Variants in ZFHX3 observed in about 807,000 individuals in gnomAD.
The protein encoded by ZFHX3 is zinc finger homeobox 3, also known as zinc finger homeobox protein 3.
A neutral mutation model predicts 279.1 loss-of-function variants in ZFHX3; 42 were observed. The observed-to-expected ratio is 0.15, with a 90% CI of 0.12 to 0.19. The LOEUF (loss-of-function observed/expected upper bound fraction) is 0.19. Among genes scored for constraint, ZFHX3 ranks in the 10% least tolerant of loss-of-function variants. The pLI is 1.00. For synonymous variants in ZFHX3, 2,293 were observed against 1,957.8 expected, an observed-to-expected ratio of 1.17 and a Z score of -4.52; for missense variants, 4,981 against 4,754.0, an observed-to-expected ratio of 1.05 and a Z score of -1.40.
At chr16:72,990,585 G>C (rs1041947668) in intron 1 of ZFHX3, among the ~76,000 whole-genome samples, 1 of 152,196 alleles carries the variant, frequency 6.6e-6, no homozygotes, top group Non-Finnish European at 1.5e-5. Flanking sequence ...TGGAGGAGCT[G>C]AGCACCCTCT....
chr16:73,224,506 G>C (rs2012529595), intron 5 of ZFHX3, among the ~76,000 whole-genome samples: 1 of 152,204 alleles, frequency 6.6e-6, no homozygotes, highest in Non-Finnish European at 1.5e-5. Flanking sequence ...ATCTGACCAA[G>C]ACAAGTCAAG....
chr16:73,324,716 G>A (rs145338635), intron 3 of ZFHX3, among the ~76,000 whole-genome samples: 3 of 152,300 alleles, frequency 2.0e-5, no homozygotes, highest in South Asian at 2.1e-4. Flanking sequence ...AAATTAGTGA[G>A]GCTTCACCTG....
rs1416251555 is a variant in ZFHX3 at position 73,119,764 on chromosome 16, C to T, written c.-897+11204G>A. 2.0e-5 allele frequency among the ~76,000 whole-genome samples: 3 copies of T among 152,154 alleles called. No homozygotes were observed. In the South Asian group the frequency reaches 6.2e-4, roughly 32 times the overall value. ...CAGTAGTGTGATCATATTTCTGCAG[C>T]CTTGAATTCCTGAGTTCAAGTGGCT... On this transcript the variant is annotated intron_variant, in intron 7 of 17. Transcript: ENST00000641206.
chr16:73,286,686 TGTGTGA>T (rs767900169), intron 4 of ZFHX3, among the ~76,000 whole-genome samples: 48 of 150,280 alleles, frequency 3.2e-4, no homozygotes, highest in Admixed American at 5.3e-4. Context: ...TGTGGGTTGG[TGTGTGA>T]GTGTGAGTGT....
intron 2 of ZFHX3, among the ~76,000 whole-genome samples, chr16:73,460,377 C>T (rs1346623643): frequency 7.9e-5 from 12 of 152,148 alleles, no homozygotes; most frequent in Admixed American, 7.9e-4. Flanking sequence ...TACTGGAGGA[C>T]AACTGGATTG....
intron 6 of ZFHX3, among the ~76,000 whole-genome samples, chr16:73,140,605 C>A (rs1032631330): frequency 1.3e-5 from 2 of 152,206 alleles, no homozygotes; most frequent in African/African-American, 4.8e-5. Context: ...CTTGTAATCC[C>A]AGCACTTTGG....
intron 2 of ZFHX3, chr16:73,486,863 C>G (rs2018983097): frequency 4.4e-6 from 2 of 456,042 alleles, no homozygotes; most frequent in Non-Finnish European, 8.8e-6. Flanking sequence ...GAACCTGGAG[C>G]AAGACCACTT....
chr16:73,528,836 G>A (rs114032092), intron 2 of ZFHX3, among the ~76,000 whole-genome samples: 2,785 of 152,276 alleles, frequency 0.018, 90 homozygotes, highest in African/African-American at 0.064. Flanking sequence ...ATCACACACA[G>A]GACTGCAGCT....
At position 73,093,715 on chromosome 16, in the gene ZFHX3, G is replaced by T. The variant is rs192666828; in HGVS notation, c.-896-117C>A. 431 of 218,170 alleles carry T rather than the reference G, an allele frequency of 2.0e-3. 2 individuals are homozygous for T. The highest frequency in any genetic ancestry group is 9.5e-3 in the African/African-American group (419 of 44,262). 13.5% of individuals were successfully genotyped at this position (218,170 alleles called of 1,614,324 possible). ...ATTATCTCACCATAATGCCCTCCTGGCGGCGTTCCCAGGAAAATTCTAACT... is the reference window on the plus strand; with the variant it reads ...ATTATCTCACCATAATGCCCTCCTGTCGGCGTTCCCAGGAAAATTCTAACT... On this transcript the variant is annotated intron_variant, in intron 7 of 17. Transcript: ENST00000641206.
At chr16:72,898,262 A>G (rs767809208) in intron 3 of ZFHX3, among the ~76,000 whole-genome samples, 7 of 152,190 alleles carry the variant, frequency 4.6e-5, no homozygotes, top group Non-Finnish European at 8.8e-5. Context: ...ACCATGATTT[A>G]TAAGAAAAAA....
chr16:73,801,903 C>T (rs1048159318), intron 1 of ZFHX3, among the ~76,000 whole-genome samples: 2 of 152,206 alleles, frequency 1.3e-5, no homozygotes, highest in African/African-American at 4.8e-5. Flanking sequence ...CCTTGCAGCT[C>T]TCACATTCTG....
At chr16:73,032,722 G>A (rs900788059) in intron 1 of ZFHX3, among the ~76,000 whole-genome samples, 5 of 151,324 alleles carry the variant, frequency 3.3e-5, no homozygotes, top group African/African-American at 4.9e-5. Context: ...GAGTCCACAC[G>A]CTTGCAAAGG....
At chr16:73,866,409 C>T (rs1434279601) in intron 1 of ZFHX3, among the ~76,000 whole-genome samples, 6 of 151,618 alleles carry the variant, frequency 4.0e-5, no homozygotes, top group Non-Finnish European at 7.4e-5. Context: ...GAACTCTGCC[C>T]GCCTCAGCCT....
Position 72,796,446 on chromosome 16 carries a change from G to A in ZFHX3, c.6236C>T (p.Ala2079Val), listed in dbSNP as rs1386395260. ...CTGGGTGAGCGGCACTGATGGCTGG[G>A]CCGGTGCAATTGTAGGTGAGGTGAT... ...PPITSPTIAP[A>V]QPSVPLTQLS... Residue 2079 changes from alanine (A) to valine (V), a missense_variant, in exon 9 of 10, where the codon GCC becomes GTC. Coordinates refer to ENST00000268489, the MANE Select transcript of ZFHX3 (RefSeq NM_006885.4). The A allele has an allele frequency of 1.2e-6, 2 of 1,609,870 alleles. No individual in the cohort carries two copies. Among genetic ancestry groups the A allele is most frequent in the Admixed American group, 3.3e-5 (2 of 59,982 alleles).
chr16:73,143,681 C>T lies in ZFHX3; in HGVS notation c.-1024+71G>A, dbSNP rs137883980. On this transcript the variant is annotated intron_variant, in intron 6 of 17. Transcript: ENST00000641206. ...TGGTGTCCTTGTCTGGCTGGTTAGTCTTTTTTGACTGCGTTAACTCACCTG... is the reference window on the plus strand; with the variant it reads ...TGGTGTCCTTGTCTGGCTGGTTAGTTTTTTTTGACTGCGTTAACTCACCTG... 5.2e-6 allele frequency: 6 copies of T among 1,160,660 alleles called. No homozygotes were observed. In the African/African-American group the frequency reaches 9.5e-5, roughly 18 times the overall value. The allele number at this position is 1,160,660 out of a possible 1,614,324, so 71.9% of individuals were successfully genotyped here.
intron 7 of ZFHX3, chr16:73,099,240 T>A (rs879517266): frequency 5.9e-5 from 9 of 152,224 alleles, no homozygotes; most frequent in Non-Finnish European, 1.0e-4. Flanking sequence ...TGTATCCTCT[T>A]ATCTATGTGT....
intron 3 of ZFHX3, among the ~76,000 whole-genome samples, chr16:73,372,050 T>C (rs1002940701): frequency 1.3e-4 from 20 of 152,232 alleles, no homozygotes; most frequent in Non-Finnish European, 2.4e-4. Flanking sequence ...GTCAAAGGGC[T>C]TTTCAGAGTC....
chr16:72,787,717 C>A lies in ZFHX3; in HGVS notation c.10559G>T (p.Gly3520Val), dbSNP rs936692158. Residue 3520 changes from glycine (G) to valine (V), a missense_variant, in exon 10 of 10, where the codon GGC becomes GTC. Coordinates refer to ENST00000268489, the MANE Select transcript of ZFHX3 (RefSeq NM_006885.4). The part of the protein sequence containing the change: ...GGGSGGGGGG[G>V]GGGGGGGSYH... ...CGAGCCGCCGCCGCCGCCGCCGCCG[C>A]CACCGCCGCCGCCGCCGCCACTGCC... 7.3e-7 allele frequency: 1 copy of A among 1,372,030 alleles called. No homozygotes were observed. The highest frequency in any genetic ancestry group is 9.5e-7 in the Non-Finnish European group (1 of 1,049,918). The allele number at this position is 1,372,030 out of a possible 1,614,324, so 85.0% of individuals were successfully genotyped here.
intron 3 of ZFHX3, among the ~76,000 whole-genome samples, chr16:73,398,319 C>G (rs1376272741): frequency 6.6e-6 from 1 of 152,084 alleles, no homozygotes; most frequent in Non-Finnish European, 1.5e-5. Context: ...AGGAGAAGAC[C>G]AGGGAAAAAG....
Sources: allele counts gnomAD v4.1 joint callset (sites outside exome capture counted in the v4.1 genomes callset), GRCh38; gene constraint gnomAD v4.1.1; transcripts MANE v1.5; gene names NCBI Gene and HGNC (gene_info 2026-07-23, HGNC 2026-07-21).